TRAPPC13: variants seen among roughly 807,000 people sequenced by gnomAD.
TRAPPC13 encodes the protein trafficking protein particle complex subunit 13, also known as REV7-interacting novel NHEJ regulator 1.
Under a neutral mutation model 54.0 loss-of-function variants are expected in TRAPPC13, and 39 were observed. That is an observed-to-expected ratio of 0.72 (90% CI 0.56 to 0.94). The LOEUF is 0.94. Ranked by LOEUF, TRAPPC13 falls within the 40% of genes least tolerant of loss-of-function variation. The probability of loss-of-function intolerance (pLI) is 0.00; values close to 1 mark genes in which losing one functional copy is unlikely to be tolerated. For synonymous variants in TRAPPC13, 148 were observed against 167.7 expected (o/e 0.88, Z 0.91); for missense variants, 386 against 488.1 (o/e 0.79, Z 1.97).
In TRAPPC13 at chr5:65,625,098, C is replaced by T; in HGVS notation, c.38C>T (p.Ala13Val). The T allele has an allele frequency of 3.1e-6, 5 of 1,613,496 alleles. No homozygotes were observed. Among genetic ancestry groups the T allele is most frequent in the Non-Finnish European group, 3.4e-6 (4 of 1,179,454 alleles). The change falls in exon 1 of 13, where the codon GCG (alanine) becomes GTG (valine). Residue 13 changes from alanine to valine, a missense_variant. By Grantham distance (64) the Ala-to-Val change is moderately conservative. Coordinates refer to ENST00000399438, the MANE Select transcript of TRAPPC13 (RefSeq NM_024941.4). Reference sequence around the variant, plus strand: ...CCCCCTAAACAGGAGCACCTGCTGGCGCTAAAAGGTAAACTTTTGCGAACC... The same window carrying T: ...CCCCCTAAACAGGAGCACCTGCTGGTGCTAAAAGGTAAACTTTTGCGAACC... The part of the protein sequence containing the change: ...VNPPKQEHLL[A>V]LKVMRLTKPT...
intron 4 of TRAPPC13, among the ~76,000 whole-genome samples, chr5:65,641,981 G>C (rs879666401): frequency 6.6e-6 from 1 of 151,282 alleles, no homozygotes; most frequent in Non-Finnish European, 1.5e-5. Flanking sequence ...ATTTCATGTA[G>C]ATTTTCACAT....
chr5:65,634,905 A>C (rs568298751), intron 1 of TRAPPC13: 11 of 825,728 alleles, frequency 1.3e-5, no homozygotes, highest in African/African-American at 4.7e-5. Context: ...TCAAAAAAAA[A>C]ACAAAAAACA....
intron 4 of TRAPPC13, among the ~76,000 whole-genome samples, chr5:65,643,960 T>C (rs1756084608): frequency 6.6e-6 from 1 of 152,168 alleles, no homozygotes; most frequent in Non-Finnish European, 1.5e-5. Context: ...GTGGGTACAA[T>C]ATTCTCTGAG....
At chr5:65,660,277 T>C (rs919599626) in intron 9 of TRAPPC13, among the ~76,000 whole-genome samples, 2 of 152,062 alleles carry the variant, frequency 1.3e-5, no homozygotes, top group African/African-American at 4.8e-5. Context: ...CACTTTTCAG[T>C]TAATTGATAC....
chr5:65,633,380 C>T (rs1327288857), intron 1 of TRAPPC13, among the ~76,000 whole-genome samples: 2 of 151,842 alleles, frequency 1.3e-5, no homozygotes, highest in Non-Finnish European at 2.9e-5. Context: ...CCCGGGTTCA[C>T]GCCATTCTCC....
chr5:65,633,698 T>C (rs1755633262), intron 1 of TRAPPC13, among the ~76,000 whole-genome samples: 1 of 152,168 alleles, frequency 6.6e-6, no homozygotes, highest in African/African-American at 2.4e-5. Context: ...CGACAGTCTT[T>C]AGAAGTAACT....
chr5:65,658,988 G>C (rs1756753930), intron 9 of TRAPPC13, among the ~76,000 whole-genome samples: 1 of 152,140 alleles, frequency 6.6e-6, no homozygotes, highest in South Asian at 2.1e-4. Context: ...CCAAAGTGCT[G>C]TCCTTACAGG....
At chr5:65,640,063 CAT>C (rs1755906219) in intron 4 of TRAPPC13, among the ~76,000 whole-genome samples, 1 of 152,190 alleles carries the variant, frequency 6.6e-6, no homozygotes, top group Admixed American at 6.5e-5. Context: ...CATACACGTA[CAT>C]ATGTTTGTCA....
intron 1 of TRAPPC13, among the ~76,000 whole-genome samples, chr5:65,628,849 A>G (rs932169503): frequency 6.6e-6 from 1 of 151,388 alleles, no homozygotes; most frequent in African/African-American, 2.4e-5. Flanking sequence ...AATGAGATGA[A>G]GTCTTGCTCT....
At chr5:65,644,969 G>A (rs932671220) in intron 4 of TRAPPC13, among the ~76,000 whole-genome samples, 1 of 151,632 alleles carries the variant, frequency 6.6e-6, no homozygotes. Flanking sequence ...GGCCAAGGCG[G>A]GCAGATCACC....
intron 9 of TRAPPC13, among the ~76,000 whole-genome samples, chr5:65,659,967 CAAAAAAAAA>C (rs141876171): frequency 2.6e-4 from 25 of 95,234 alleles, no homozygotes; most frequent in East Asian, 6.9e-4. Context: ...GTATTTTAAA[CAAAAAAAAA>C]AAAAAAAAAA....
At position 65,646,985 on chromosome 5, in the gene TRAPPC13, A is replaced by G. The variant is rs572099680; in HGVS notation, c.301-70A>G. On this transcript the variant is annotated intron_variant, in intron 4 of 12. Coordinates refer to ENST00000399438, the MANE Select transcript of TRAPPC13 (RefSeq NM_024941.4). ...TCTTATTCCCCTATTCTTTCCACTC[A>G]TAGCCATGCACACCCTGTAGGTAAC... is the stretch of plus-strand genomic sequence containing the variant. 3 of 1,386,616 alleles carry G rather than the reference A, an allele frequency of 2.2e-6. No homozygotes were observed. In the African/African-American group the frequency reaches 4.4e-5, roughly 21 times the overall value. The allele number at this position is 1,386,616 out of a possible 1,614,324, so 85.9% of individuals were successfully genotyped here. A position where few individuals can be genotyped will look rare whatever the true frequency, so the allele number is the denominator to read the frequency against.
chr5:65,627,771 TATG>T (rs1253733743), intron 1 of TRAPPC13, among the ~76,000 whole-genome samples: 2 of 152,194 alleles, frequency 1.3e-5, no homozygotes, highest in Admixed American at 6.5e-5. Context: ...TGAAAGTATA[TATG>T]ATAACATTTA....
chr5:65,629,240 A>G (rs1755410491), intron 1 of TRAPPC13, among the ~76,000 whole-genome samples: 1 of 152,180 alleles, frequency 6.6e-6, no homozygotes, highest in Non-Finnish European at 1.5e-5. Context: ...GTTGACTACT[A>G]GCGTTTTTAG....
At chr5:65,635,279 C>A (rs561527240) in intron 1 of TRAPPC13, 22 bp from the exon 2 acceptor site, 5 of 1,607,312 alleles carry the variant, frequency 3.1e-6, no homozygotes, top group East Asian at 2.2e-5. Context: ...GTTTTGTTTT[C>A]TTTTACTTTT....
At chr5:65,659,832 G>A (rs115056134) in intron 9 of TRAPPC13, among the ~76,000 whole-genome samples, 2,225 of 151,976 alleles carry the variant, frequency 0.015, 47 homozygotes, top group African/African-American at 0.051. Flanking sequence ...GGGCATGGTG[G>A]TACACTCCTG....
At chr5:65,663,831 G>A (rs1161173594) in intron 11 of TRAPPC13, 2 of 157,562 alleles carry the variant, frequency 1.3e-5, no homozygotes, top group African/African-American at 2.4e-5. Flanking sequence ...GGTATCAAAA[G>A]GACTAGACCA....
chr5:65,636,748 C>T (rs933057529), intron 3 of TRAPPC13, among the ~76,000 whole-genome samples: 4 of 152,036 alleles, frequency 2.6e-5, no homozygotes, highest in African/African-American at 9.7e-5. Flanking sequence ...TTCTGTTATC[C>T]TTAGCTGTAT....
intron 1 of TRAPPC13, among the ~76,000 whole-genome samples, chr5:65,628,520 G>C (rs900714251): frequency 2.6e-5 from 4 of 151,328 alleles, no homozygotes; most frequent in African/African-American, 4.9e-5. Context: ...AGTGCAATGG[G>C]AGTACGATGG....
Sources: allele counts gnomAD v4.1 joint callset (sites outside exome capture counted in the v4.1 genomes callset), GRCh38; gene constraint gnomAD v4.1.1; transcripts MANE v1.5; gene names NCBI Gene and HGNC (gene_info 2026-07-23, HGNC 2026-07-21).